The following NRAP variants were observed in gnomAD, a reference collection of about 807,000 sequenced individuals.
NRAP encodes the protein nebulin-related-anchoring protein.
Under a neutral mutation model 225.9 loss-of-function variants are expected in NRAP, and 189 were observed. That is an observed-to-expected ratio of 0.84 (90% confidence interval 0.74 to 0.94). NRAP has a LOEUF of 0.94. NRAP is among the 40% of genes least tolerant of loss of function. The pLI is 0.00. For missense variants in NRAP, 2,176 were observed against 2,168.7 expected (o/e 1.00, Z -0.07); for synonymous variants, 769 against 790.7 (o/e 0.97, Z 0.46).
At chr10:113,606,984 T>A (rs1847009361) in intron 32 of NRAP, among the ~76,000 whole-genome samples, 1 of 151,722 alleles carries the variant, frequency 6.6e-6, no homozygotes, top group Admixed American at 6.6e-5. Context: ...GGATGGATCA[T>A]CTAAGGTCAG....
rs73355730 is a variant in NRAP at position 113,660,028 on chromosome 10, A to G, written c.256-2454T>C. Among the ~76,000 whole-genome samples, 552 of 150,742 alleles carry G rather than the reference A, an allele frequency of 3.7e-3. 5 individuals are homozygous for G. The highest frequency in any genetic ancestry group is 0.012 in the African/African-American group (498 of 41,156). On this transcript the variant is annotated intron_variant, in intron 3 of 41. Coordinates refer to ENST00000359988, the MANE Select transcript of NRAP (RefSeq NM_198060.4). ...TTTACTTTGTCCCTGGTGGGCAAAA[A>G]GGAGAAAGTGATCTCAGTAGACAAC... is the stretch of plus-strand genomic sequence containing the variant.
chr10:113,636,202 G>T (rs942754546), intron 14 of NRAP, among the ~76,000 whole-genome samples: 7 of 152,150 alleles, frequency 4.6e-5, no homozygotes, highest in African/African-American at 1.7e-4. Context: ...CCCCTTTTCT[G>T]TGTCACCACT....
chr10:113,589,911 T>G (rs113659972), intron 40 of NRAP, 114 bp from the exon 41 acceptor site: 4 of 1,221,614 alleles, frequency 3.3e-6, no homozygotes, highest in African/African-American at 3.0e-5. Flanking sequence ...TTGTCTGTCA[T>G]CAGTAAAGCC....
At chr10:113,626,628 A>G (rs1024644285) in intron 20 of NRAP, among the ~76,000 whole-genome samples, 2 of 152,170 alleles carry the variant, frequency 1.3e-5, no homozygotes, top group African/African-American at 4.8e-5. Flanking sequence ...CAGAGGCTTC[A>G]TCACCATGTT....
At chr10:113,619,619 C>CAAAAA (rs33990694) in intron 25 of NRAP, among the ~76,000 whole-genome samples, 1 of 143,034 alleles carries the variant, frequency 7.0e-6, no homozygotes. Context: ...AAAGACTCCT[C>CAAAAA]AAAAAAAAAA....
At chr10:113,651,970 C>G in intron 6 of NRAP, 63 bp from the exon 7 acceptor site, 1 of 997,046 alleles carries the variant, frequency 1.0e-6, no homozygotes, top group Non-Finnish European at 1.6e-6. Flanking sequence ...TGACCTCTCC[C>G]TGTGGCTCTC....
At position 113,662,691 on chromosome 10, in the gene NRAP, C is replaced by A; in HGVS notation, c.243G>T (p.Glu81Asp). The change falls in exon 3 of 42, where the codon GAG becomes GAT. Residue 81 changes from glutamate to aspartate, a missense_variant. Glu to Asp is a conservative substitution (Grantham distance 45). Transcript: ENST00000359988. ...PLNLNVRTFP[E>D]AISGIHDQED... Reference sequence around the variant, plus strand: ...TTAAATAACTTACCCCACTGATGGCCTCTGGAAATGTCCTCACATTTAGAT... The same window carrying A: ...TTAAATAACTTACCCCACTGATGGCATCTGGAAATGTCCTCACATTTAGAT... The A allele has an allele frequency of 6.4e-7, 1 of 1,567,700 alleles. No homozygotes were observed. The highest frequency in any genetic ancestry group is 8.8e-7 in the Non-Finnish European group (1 of 1,137,646).
rs1461339144 is a variant in NRAP at position 113,662,730 on chromosome 10, A to G, written c.204T>C (p.Tyr68=). ...NPKNNTFTSV[Y]HTPLNLNVRT... ...TCACATTTAGATTTAATGGAGTGTGATAGACACTGGTGAAAGTGTTGTTCT... is the reference window on the plus strand; with the variant it reads ...TCACATTTAGATTTAATGGAGTGTGGTAGACACTGGTGAAAGTGTTGTTCT... Residue 68 remains tyrosine (Y), a synonymous_variant, in exon 3 of 42, where the codon TAT becomes TAC. Coordinates refer to ENST00000359988, the MANE Select transcript of NRAP (RefSeq NM_198060.4). 1.9e-6 allele frequency: 3 copies of G among 1,601,648 alleles called. No homozygotes were observed. The highest frequency in any genetic ancestry group is 3.3e-5 in the Admixed American group (2 of 59,762).
intron 13 of NRAP, 48 bp from the exon 14 acceptor site, chr10:113,640,379 T>C (rs1194199558): frequency 3.5e-6 from 4 of 1,130,112 alleles, no homozygotes; most frequent in Non-Finnish European, 5.1e-6. Flanking sequence ...ATTTCTACTT[T>C]CTTTTGGCTT....
intron 3 of NRAP, among the ~76,000 whole-genome samples, chr10:113,658,772 C>T (rs534759049): frequency 1.3e-5 from 2 of 151,490 alleles, no homozygotes; most frequent in South Asian, 4.2e-4. Flanking sequence ...GTCCCAACTA[C>T]TCAGGAGGCT....
chr10:113,659,635 G>A (rs1467267702), intron 3 of NRAP, among the ~76,000 whole-genome samples: 2 of 152,124 alleles, frequency 1.3e-5, no homozygotes, highest in African/African-American at 4.8e-5. Flanking sequence ...GAAGCATGAA[G>A]GGCTAAATTT....
At position 113,615,735 on chromosome 10, in the gene NRAP, G is replaced by A; in HGVS notation, c.3055C>T (p.Leu1019=). 4.4e-6 allele frequency: 7 copies of A among 1,608,070 alleles called. No homozygotes were observed. Among genetic ancestry groups the A allele is most frequent in the Non-Finnish European group, 4.3e-6 (5 of 1,174,498 alleles). ...ACCTCACTGATATTCATGGCATTCA[G>A]CTTGGCCAGCAGGACTTCAGGGAGG... ...ADLPEVLLAK[L]NAMNISETRY... Residue 1019 remains leucine (L), a synonymous_variant, in exon 27 of 42, where the codon CTG becomes TTG. Transcript: ENST00000359988.
At chr10:113,597,698 A>G (rs1306820004) in intron 36 of NRAP, among the ~76,000 whole-genome samples, 1 of 152,224 alleles carries the variant, frequency 6.6e-6, no homozygotes, top group African/African-American at 2.4e-5. Context: ...TCCTCTCCAT[A>G]CAAAGAATGG....
At chr10:113,611,288 T>G (rs1847306350) in intron 30 of NRAP, among the ~76,000 whole-genome samples, 1 of 152,050 alleles carries the variant, frequency 6.6e-6, no homozygotes, top group Non-Finnish European at 1.5e-5. Flanking sequence ...GTAAACGCTG[T>G]ACACAGGCGT....
At chr10:113,609,493 T>A (rs1447001795) in intron 31 of NRAP, among the ~76,000 whole-genome samples, 2 of 152,186 alleles carry the variant, frequency 1.3e-5, no homozygotes, top group Admixed American at 6.5e-5. Flanking sequence ...TGAATTAAAG[T>A]CCTGTCACCC....
rs1454341088 is a variant in NRAP, at chr10:113,631,842, T to A, written c.1740+15A>T. Reference sequence around the variant, plus strand: ...CATTTCTTATGCATTCCTGAGTTAATGAGAGGAAACGTACATTGCTAGCAA... The same window carrying A: ...CATTTCTTATGCATTCCTGAGTTAAAGAGAGGAAACGTACATTGCTAGCAA... On this transcript the variant is annotated intron_variant, in intron 17 of 41. Transcript: ENST00000359988. 1 of 1,527,764 alleles carries A rather than the reference T, an allele frequency of 6.5e-7. No homozygotes were observed. Among genetic ancestry groups the A allele is most frequent in the South Asian group, 1.1e-5 (1 of 88,922 alleles). The allele number at this position is 1,527,764 out of a possible 1,614,324, so 94.6% of individuals were successfully genotyped here. A position where few individuals can be genotyped will look rare whatever the true frequency, so the allele number is the denominator to read the frequency against.
intron 31 of NRAP, among the ~76,000 whole-genome samples, chr10:113,610,177 C>T (rs1847237006): frequency 6.6e-6 from 1 of 151,744 alleles, no homozygotes; most frequent in African/African-American, 2.4e-5. Flanking sequence ...TGGTGAAACC[C>T]CATCTCTACT....
intron 9 of NRAP, among the ~76,000 whole-genome samples, chr10:113,647,776 G>A (rs1849667859): frequency 6.6e-6 from 1 of 152,026 alleles, no homozygotes; most frequent in Non-Finnish European, 1.5e-5. Flanking sequence ...TTTGTAATAT[G>A]GGAGGAAAAC....
intron 11 of NRAP, 49 bp from the exon 12 acceptor site, chr10:113,643,087 C>A: frequency 1.1e-6 from 1 of 926,636 alleles, no homozygotes; most frequent in South Asian, 1.4e-5. Context: ...TCCGAAGTCA[C>A]TCTTGAAAAT....
Sources: allele counts gnomAD v4.1 joint callset (sites outside exome capture counted in the v4.1 genomes callset), GRCh38; gene constraint gnomAD v4.1.1; transcripts MANE v1.5; gene names NCBI Gene and HGNC (gene_info 2026-07-23, HGNC 2026-07-21).